The following TMEM132D variants were observed in gnomAD, a reference collection of about 807,000 sequenced individuals.
TMEM132D encodes mature OL transmembrane protein.
A neutral mutation model predicts 62.3 loss-of-function variants in TMEM132D; 21 were observed. That is an observed-to-expected ratio of 0.34 (90% CI 0.24 to 0.49). The LOEUF (loss-of-function observed/expected upper bound fraction) is 0.49. TMEM132D is among the 20% of genes least tolerant of loss of function. TMEM132D has a pLI of 0.99. For synonymous variants in TMEM132D, 621 were observed against 575.6 expected, an observed-to-expected ratio of 1.08 and a Z score of -1.13; for missense variants, 1,346 against 1,402.8, an observed-to-expected ratio of 0.96 and a Z score of 0.65.
intron 8 of TMEM132D, among the ~76,000 whole-genome samples, chr12:129,078,068 G>T (rs754038151): frequency 6.6e-5 from 10 of 152,186 alleles, no homozygotes; most frequent in Non-Finnish European, 1.3e-4. Context: ...GTCTGGAAGC[G>T]ATCTCCCGCC....
chr12:129,510,198 G>C (rs1198947299), intron 3 of TMEM132D, among the ~76,000 whole-genome samples: 1 of 152,090 alleles, frequency 6.6e-6, no homozygotes, highest in Non-Finnish European at 1.5e-5. Context: ...CTATAGCTTT[G>C]ATTTGCATTT....
At chr12:129,763,330 G>A (rs1397894350) in intron 1 of TMEM132D, among the ~76,000 whole-genome samples, 6 of 152,152 alleles carry the variant, frequency 3.9e-5, no homozygotes, top group Middle Eastern at 3.4e-3. Flanking sequence ...TTCCTGCCTC[G>A]GTCTTCCAAA....
At chr12:129,570,502 CT>C (rs531717143) in intron 2 of TMEM132D, among the ~76,000 whole-genome samples, 195 of 152,288 alleles carry the variant, frequency 1.3e-3, no homozygotes, top group Non-Finnish European at 2.2e-3. Context: ...AGAAAATTGC[CT>C]CAATGGGTCA....
At position 129,770,515 on chromosome 12, in the gene TMEM132D, C is replaced by A. The variant is rs114725898; in HGVS notation, c.80-69817G>T. ...ATGCACCACATTGGAGATAGAAATT[C>A]TTTCAGCTCATCTAACATGGCACTG... On this transcript the variant is annotated intron_variant, in intron 1 of 8. Transcript: ENST00000422113. Among the ~76,000 whole-genome samples, 293 of 152,254 alleles carry A rather than the reference C, an allele frequency of 1.9e-3. 2 individuals are homozygous for A. The highest frequency in any genetic ancestry group is 6.7e-3 in the African/African-American group (279 of 41,546).
At chr12:129,398,983 C>T (rs1311004377) in intron 3 of TMEM132D, among the ~76,000 whole-genome samples, 2 of 152,164 alleles carry the variant, frequency 1.3e-5, no homozygotes, top group Non-Finnish European at 2.9e-5. Flanking sequence ...GAGGCTGGGA[C>T]ATCCAAGATC....
At position 129,665,470 on chromosome 12, in the gene TMEM132D, G is replaced by A. The variant is rs554301306; in HGVS notation, c.968+34340C>T. ...AAACCAGACAAAAGGCCATCTTTGCGGAAAATTAAAACTAGGAAGCAGAGG... is the reference window on the plus strand; with the variant it reads ...AAACCAGACAAAAGGCCATCTTTGCAGAAAATTAAAACTAGGAAGCAGAGG... On this transcript the variant is annotated intron_variant, in intron 2 of 8. Transcript: ENST00000422113. Among the ~76,000 whole-genome samples the A allele has an allele frequency of 5.9e-5, 9 of 151,934 alleles. No homozygotes were observed. The East Asian group carries it at 1.2e-3, about 20-fold the overall frequency.
At chr12:129,458,310 C>T (rs1873545721) in intron 3 of TMEM132D, among the ~76,000 whole-genome samples, 1 of 152,096 alleles carries the variant, frequency 6.6e-6, no homozygotes, top group Non-Finnish European at 1.5e-5. Flanking sequence ...CCTCCCTCTC[C>T]ACTGCAAAGG....
chr12:129,317,292 T>A (rs1868520435), intron 4 of TMEM132D, among the ~76,000 whole-genome samples: 1 of 152,228 alleles, frequency 6.6e-6, no homozygotes, highest in Non-Finnish European at 1.5e-5. Flanking sequence ...AGGATTTGTT[T>A]CAAGATTTAG....
chr12:129,502,485 T>G (rs1190721949), intron 3 of TMEM132D, among the ~76,000 whole-genome samples: 1 of 152,120 alleles, frequency 6.6e-6, no homozygotes, highest in African/African-American at 2.4e-5. Context: ...TACGTATTAT[T>G]GACTCATGTA....
intron 1 of TMEM132D, among the ~76,000 whole-genome samples, chr12:129,769,003 G>A (rs907659914): frequency 6.6e-6 from 1 of 152,160 alleles, no homozygotes; most frequent in Non-Finnish European, 1.5e-5. Context: ...CCCACATCAA[G>A]TACAGTAGGA....
intron 4 of TMEM132D, among the ~76,000 whole-genome samples, chr12:129,318,204 G>A (rs1186889547): frequency 1.3e-5 from 2 of 152,064 alleles, no homozygotes; most frequent in Non-Finnish European, 2.9e-5. Context: ...TTTTCGAAGG[G>A]GTATTGAAGA....
At chr12:129,643,566 T>G (rs1383680059) in intron 2 of TMEM132D, among the ~76,000 whole-genome samples, 1 of 152,172 alleles carries the variant, frequency 6.6e-6, no homozygotes, top group Non-Finnish European at 1.5e-5. Flanking sequence ...GACACAATTC[T>G]GTGAAAGGAA....
At chr12:129,313,567 G>GTATA (rs773684911) in intron 4 of TMEM132D, among the ~76,000 whole-genome samples, 57 of 116,538 alleles carry the variant, frequency 4.9e-4, no homozygotes, top group African/African-American at 1.5e-3. Flanking sequence ...GTGTGTGTGT[G>GTATA]TGTATATATA....
At chr12:129,760,475 G>A (rs1037982899) in intron 1 of TMEM132D, among the ~76,000 whole-genome samples, 7 of 151,504 alleles carry the variant, frequency 4.6e-5, no homozygotes, top group African/African-American at 1.5e-4. Context: ...GGGACTACAG[G>A]CCCCCGCCTC....
At chr12:129,534,496 C>T (rs67268320) in intron 2 of TMEM132D, among the ~76,000 whole-genome samples, 52,954 of 151,664 alleles carry the variant, frequency 0.35, 9,514 homozygotes, top group East Asian at 0.49. Context: ...ATGTATATAT[C>T]ATCAACACAC....
At chr12:129,454,725 GA>G (rs573470438) in intron 3 of TMEM132D, among the ~76,000 whole-genome samples, 17 of 152,178 alleles carry the variant, frequency 1.1e-4, no homozygotes, top group Non-Finnish European at 2.1e-4. Context: ...GTCTACAAAA[GA>G]ACTGATTCCA....
chr12:129,788,976 C>T (rs1190648784), intron 1 of TMEM132D, among the ~76,000 whole-genome samples: 1 of 152,074 alleles, frequency 6.6e-6, no homozygotes. Flanking sequence ...GGAACAGCAG[C>T]GCATGTGCTG....
intron 5 of TMEM132D, among the ~76,000 whole-genome samples, chr12:129,092,304 T>TTTC (rs1555229134): frequency 5.6e-5 from 1 of 17,824 alleles, no homozygotes; most frequent in Non-Finnish European, 1.1e-4. Flanking sequence ...CTCTCTTTCC[T>TTTC]TTTTTTTTTT....
intron 5 of TMEM132D, among the ~76,000 whole-genome samples, chr12:129,207,003 G>C (rs11503064): frequency 2.0e-5 from 3 of 152,098 alleles, no homozygotes; most frequent in Non-Finnish European, 4.4e-5. Context: ...TGAGTACTGT[G>C]CTTATTACCT....
Sources: gnomAD v4.1 joint callset for allele counts (sites outside exome capture counted in the v4.1 genomes callset) on GRCh38, gnomAD v4.1.1 for gene constraint, MANE v1.5 for transcripts, NCBI Gene and HGNC (gene_info 2026-07-23, HGNC 2026-07-21) for gene names.